The following TNNI3K variants were observed in gnomAD, a reference collection of about 807,000 sequenced individuals.
TNNI3K encodes TNNI3 interacting kinase, also known as serine/threonine-protein kinase TNNI3K.
Under a neutral mutation model 114.5 loss-of-function variants are expected in TNNI3K, and 140 were observed. The observed-to-expected ratio is 1.22, with a 90% CI of 1.07 to 1.41. The LOEUF is 1.41. Ranked by LOEUF, TNNI3K falls within the 40% of genes most tolerant of loss-of-function variation. The pLI, the probability that TNNI3K is intolerant of heterozygous loss-of-function variation, is 0.00. For missense variants in TNNI3K, 1,125 were observed against 1,007.6 expected (o/e 1.12, Z -1.58); for synonymous variants, 347 against 347.5 (o/e 1.00, Z 0.02).
At chr1:74,425,075 A>G (rs1404558370) in intron 17 of TNNI3K, among the ~76,000 whole-genome samples, 2 of 152,158 alleles carry the variant, frequency 1.3e-5, no homozygotes, top group African/African-American at 2.4e-5. Context: ...TTGTTTTAAA[A>G]TAAGGACGAG....
chr1:74,236,077 A>C (rs750732823), intron 1 of TNNI3K, 25 bp from the exon 2 acceptor site: 4 of 1,588,602 alleles, frequency 2.5e-6, no homozygotes, highest in Non-Finnish European at 3.4e-6. Flanking sequence ...ACTATGAATC[A>C]ATCTCATTTG....
At chr1:74,288,903 C>T (rs1325361456) in intron 5 of TNNI3K, among the ~76,000 whole-genome samples, 1 of 151,810 alleles carries the variant, frequency 6.6e-6, no homozygotes, top group Non-Finnish European at 1.5e-5. Context: ...TTTTATTTGT[C>T]AGTTATACCT....
intron 17 of TNNI3K, among the ~76,000 whole-genome samples, chr1:74,427,942 G>GT (rs11306298): frequency 1.0e-3 from 152 of 145,470 alleles, no homozygotes; most frequent in Middle Eastern, 3.6e-3. Context: ...AGAGTATGAG[G>GT]TTTTTTTTTT....
chr1:74,340,003 A>C (rs1660673036), intron 7 of TNNI3K, among the ~76,000 whole-genome samples: 2 of 152,116 alleles, frequency 1.3e-5, no homozygotes, highest in Admixed American at 1.3e-4. Context: ...ATGTCCAGCC[A>C]TAGGAAGTGT....
intron 17 of TNNI3K, among the ~76,000 whole-genome samples, chr1:74,415,242 C>A (rs1665062042): frequency 6.6e-6 from 1 of 152,090 alleles, no homozygotes; most frequent in Admixed American, 6.6e-5. Flanking sequence ...TTAGTGAGTC[C>A]TTCCCTGACC....
chr1:74,482,154 A>G (rs1215903574), intron 21 of TNNI3K, among the ~76,000 whole-genome samples: 2 of 152,090 alleles, frequency 1.3e-5, no homozygotes, highest in East Asian at 1.9e-4. Context: ...GTTTGTTTTC[A>G]TGGGTCCCCA....
At position 74,436,513 on chromosome 1, in the gene TNNI3K, C is replaced by A. The variant is rs376210200; in HGVS notation, c.1865C>A (p.Thr622Lys). The A allele has an allele frequency of 1.9e-6, 3 of 1,586,848 alleles. No individual in the cohort carries two copies. Among genetic ancestry groups the A allele is most frequent in the East Asian group, 2.3e-5 (1 of 44,254 alleles). ...CAGTCTCTGGATGAAGACAACATGA[C>A]AAAACAACCTGGGGTTTGCTGCTGC... Reference protein sequence around the residue: ...FLQSLDEDNMTKQPGNLRWMA... With the variant: ...FLQSLDEDNMKKQPGNLRWMA... Residue 622 changes from threonine (T) to lysine (K), a missense_variant, in exon 19 of 25, where the codon ACA becomes AAA. Thr to Lys is a moderately conservative substitution (Grantham distance 78). Transcript: ENST00000326637.
In TNNI3K at chr1:74,369,399, C is replaced by T. The variant is rs2100520382; in HGVS notation, c.1481C>T (p.Ala494Val). The T allele has an allele frequency of 6.2e-7, 1 of 1,609,990 alleles. No individual in the cohort carries two copies. The highest frequency in any genetic ancestry group is 1.3e-5 in the African/African-American group (1 of 74,804). The change falls in exon 16 of 25, where the codon GCC (alanine) becomes GTC (valine). Residue 494 changes from alanine to valine, a missense_variant. Ala to Val is a moderately conservative substitution (Grantham distance 64). Coordinates refer to ENST00000326637, the MANE Select transcript of TNNI3K (RefSeq NM_015978.3). ...NKIVAIKRYR[A>V]NTYCSKSDVD... ...GTTGCTGCCATTTCCAGTTATCGAG[C>T]CAATACCTACTGCTCCAAGTCAGAT...
At chr1:74,255,286 G>A (rs1269241306) in intron 4 of TNNI3K, among the ~76,000 whole-genome samples, 5 of 150,072 alleles carry the variant, frequency 3.3e-5, no homozygotes, top group Admixed American at 6.7e-5. Context: ...CCCGGGAGGC[G>A]GAGCTTGCAG....
chr1:74,280,458 C>T (rs1656947132), intron 5 of TNNI3K, among the ~76,000 whole-genome samples: 1 of 152,066 alleles, frequency 6.6e-6, no homozygotes. Context: ...ATTACCTAAA[C>T]TCTTCCCCAC....
chr1:74,431,686 C>A (rs1453617997), intron 17 of TNNI3K, among the ~76,000 whole-genome samples: 1 of 152,042 alleles, frequency 6.6e-6, no homozygotes, highest in Non-Finnish European at 1.5e-5. Flanking sequence ...TTAGTAAATG[C>A]GCTTCTAGCA....
At chr1:74,457,565 A>T (rs1014392795) in intron 20 of TNNI3K, among the ~76,000 whole-genome samples, 27 of 152,220 alleles carry the variant, frequency 1.8e-4, no homozygotes, top group Non-Finnish European at 3.7e-4. Flanking sequence ...ATGAAGTAGA[A>T]TCAATTATAC....
At chr1:74,422,002 G>T (rs1023704401) in intron 17 of TNNI3K, among the ~76,000 whole-genome samples, 2 of 148,744 alleles carry the variant, frequency 1.3e-5, no homozygotes, top group South Asian at 2.1e-4. Flanking sequence ...ATTTATTTTA[G>T]ATTTTTTCAG....
At chr1:74,378,643 T>G (rs983287687) in intron 17 of TNNI3K, 3 of 124,358 alleles carry the variant, frequency 2.4e-5, no homozygotes, top group African/African-American at 6.0e-5. Flanking sequence ...TATATATATT[T>G]CATTTCATCA....
At chr1:74,347,528 G>T (rs1281332133) in intron 9 of TNNI3K, among the ~76,000 whole-genome samples, 1 of 152,160 alleles carries the variant, frequency 6.6e-6, no homozygotes, top group Non-Finnish European at 1.5e-5. Context: ...TAATGGGATG[G>T]CTGGGTCAAA....
At chr1:74,307,478 G>A (rs1306261485) in intron 5 of TNNI3K, among the ~76,000 whole-genome samples, 2 of 151,874 alleles carry the variant, frequency 1.3e-5, no homozygotes, top group Non-Finnish European at 1.5e-5. Context: ...AAAGAGCAAG[G>A]GTTGCTATTC....
intron 17 of TNNI3K, among the ~76,000 whole-genome samples, chr1:74,415,021 A>G (rs950790255): frequency 6.6e-6 from 1 of 152,184 alleles, no homozygotes; most frequent in African/African-American, 2.4e-5. Context: ...AGAAGGCCCT[A>G]TGTCATCTGG....
intron 17 of TNNI3K, among the ~76,000 whole-genome samples, chr1:74,400,257 C>A (rs184195388): frequency 8.3e-4 from 127 of 152,240 alleles, no homozygotes; most frequent in African/African-American, 2.9e-3. Flanking sequence ...CCAACTCCAC[C>A]CAAACCCACC....
intron 21 of TNNI3K, among the ~76,000 whole-genome samples, chr1:74,473,267 G>T (rs1043866387): frequency 6.6e-6 from 1 of 151,826 alleles, no homozygotes; most frequent in East Asian, 1.9e-4. Context: ...CTTTAAAGAA[G>T]TTGAATGCTT....
Sources: gnomAD v4.1 joint callset for allele counts (sites outside exome capture counted in the v4.1 genomes callset) on GRCh38, gnomAD v4.1.1 for gene constraint, MANE v1.5 for transcripts, NCBI Gene and HGNC (gene_info 2026-07-23, HGNC 2026-07-21) for gene names.